The following CNTNAP2 variants were observed in gnomAD, a reference collection of about 807,000 sequenced individuals.
The protein encoded by CNTNAP2 is contactin-associated protein-like 2.
A neutral mutation model predicts 155.2 loss-of-function variants in CNTNAP2; 98 were observed. The ratio of observed to expected loss-of-function variants is 0.63; its 90% CI spans 0.54 to 0.75. The LOEUF is 0.75. CNTNAP2 is among the 30% of genes least tolerant of loss of function. The pLI, the probability that CNTNAP2 is intolerant of heterozygous loss-of-function variation, is 0.00. For missense variants in CNTNAP2, 1,727 were observed against 1,688.1 expected (o/e 1.02, Z -0.40); for synonymous variants, 651 against 631.2 (o/e 1.03, Z -0.47).
chr7:147,880,320 T>C (rs947460999), intron 13 of CNTNAP2, among the ~76,000 whole-genome samples: 3 of 152,178 alleles, frequency 2.0e-5, no homozygotes, highest in Non-Finnish European at 2.9e-5. Flanking sequence ...GGATTTGGGC[T>C]ATTAACAGAG....
chr7:146,885,621 A>G (rs1795640335), intron 3 of CNTNAP2, among the ~76,000 whole-genome samples: 1 of 152,192 alleles, frequency 6.6e-6, no homozygotes. Context: ...AATCTTACAG[A>G]GAAAGTTTCA....
intron 18 of CNTNAP2, among the ~76,000 whole-genome samples, chr7:148,184,472 G>A (rs1353606511): frequency 1.3e-5 from 2 of 152,162 alleles, no homozygotes; most frequent in Non-Finnish European, 2.9e-5. Flanking sequence ...TGTGCCAGTA[G>A]CCAATCTCAC....
chr7:146,861,458 C>A (rs563088831), intron 3 of CNTNAP2, among the ~76,000 whole-genome samples: 1 of 152,020 alleles, frequency 6.6e-6, no homozygotes, highest in South Asian at 2.1e-4. Flanking sequence ...TTAATAAAAT[C>A]GATAGAAAAC....
At chr7:146,709,224 CTG>C (rs10600540) in intron 1 of CNTNAP2, among the ~76,000 whole-genome samples, 10,037 of 152,100 alleles carry the variant, frequency 0.066, 829 homozygotes, top group African/African-American at 0.2. Flanking sequence ...CAAAATAAAA[CTG>C]TGATTGAGAG....
At chr7:146,118,303 C>T (rs1797516106) in intron 1 of CNTNAP2, among the ~76,000 whole-genome samples, 2 of 152,010 alleles carry the variant, frequency 1.3e-5, no homozygotes, top group South Asian at 2.1e-4. Flanking sequence ...AACTTGAAAA[C>T]ATTGTATAGC....
chr7:148,291,935 C>T lies in CNTNAP2; in HGVS notation c.3475+24809C>T, dbSNP rs141900102. The stretch of plus-strand genomic sequence containing the variant: ...CCAGCCTTTGACATCTCAGAAGAAG[C>T]GATGATTAATTTCATTTCATTCTGT... On this transcript the variant is annotated intron_variant, in intron 21 of 23. Coordinates refer to ENST00000361727, the MANE Select transcript of CNTNAP2 (RefSeq NM_014141.6). Among the ~76,000 whole-genome samples, 1,312 of 152,134 alleles carry T rather than the reference C, an allele frequency of 8.6e-3. 10 individuals carry two copies. The highest frequency in any genetic ancestry group is 0.027 in the Middle Eastern group (8 of 294).
intron 10 of CNTNAP2, among the ~76,000 whole-genome samples, chr7:147,428,498 C>T (rs916105119): frequency 2.0e-5 from 3 of 152,114 alleles, no homozygotes; most frequent in Non-Finnish European, 4.4e-5. Flanking sequence ...AATTAGATTG[C>T]TACTGTCTTC....
intron 11 of CNTNAP2, among the ~76,000 whole-genome samples, chr7:147,512,667 A>C (rs1014648916): frequency 1.3e-5 from 2 of 152,208 alleles, no homozygotes; most frequent in African/African-American, 4.8e-5. Context: ...ATCAACATCT[A>C]TCAAGATCTG....
chr7:146,792,823 C>G (rs771421740), intron 2 of CNTNAP2, among the ~76,000 whole-genome samples: 2 of 151,964 alleles, frequency 1.3e-5, no homozygotes, highest in Non-Finnish European at 2.9e-5. Flanking sequence ...TTGTCTTACT[C>G]GATGAAAATA....
intron 8 of CNTNAP2, among the ~76,000 whole-genome samples, chr7:147,232,816 CA>C (rs1462026386): frequency 2.6e-5 from 4 of 151,962 alleles, no homozygotes; most frequent in Admixed American, 2.6e-4. Flanking sequence ...TTCTGAAGAA[CA>C]ATTATTGAAA....
intron 1 of CNTNAP2, among the ~76,000 whole-genome samples, chr7:146,135,744 T>C (rs1563135802): frequency 6.6e-6 from 1 of 152,086 alleles, no homozygotes; most frequent in Non-Finnish European, 1.5e-5. Context: ...TCTAGACATA[T>C]GCTGAATCAC....
At chr7:147,669,486 A>G (rs1795752224) in intron 13 of CNTNAP2, among the ~76,000 whole-genome samples, 1 of 152,204 alleles carries the variant, frequency 6.6e-6, no homozygotes, top group African/African-American at 2.4e-5. Context: ...TTCGAAGACT[A>G]CTGTTAGACA....
chr7:147,569,324 C>A (rs1393070771), intron 12 of CNTNAP2, among the ~76,000 whole-genome samples: 1 of 152,062 alleles, frequency 6.6e-6, no homozygotes, highest in Non-Finnish European at 1.5e-5. Flanking sequence ...TGGACTTGGG[C>A]TCCAGTGGAG....
intron 1 of CNTNAP2, among the ~76,000 whole-genome samples, chr7:146,217,121 C>T (rs1584806986): frequency 6.6e-6 from 1 of 152,160 alleles, no homozygotes; most frequent in East Asian, 1.9e-4. Context: ...ACACTTGACC[C>T]ATTGTTCCTC....
chr7:147,451,303 A>G (rs931934629), intron 10 of CNTNAP2, among the ~76,000 whole-genome samples: 2 of 152,210 alleles, frequency 1.3e-5, no homozygotes, highest in Non-Finnish European at 2.9e-5. Flanking sequence ...TAACAAGTCT[A>G]TGAATTTCTT....
intron 1 of CNTNAP2, among the ~76,000 whole-genome samples, chr7:146,673,478 G>T (rs1409781682): frequency 6.6e-6 from 1 of 152,148 alleles, no homozygotes; most frequent in Non-Finnish European, 1.5e-5. Flanking sequence ...TGGCCTAAAG[G>T]TTTTTCCATA....
intron 3 of CNTNAP2, among the ~76,000 whole-genome samples, chr7:146,922,541 C>T (rs1796525063): frequency 6.6e-6 from 1 of 151,882 alleles, no homozygotes; most frequent in Non-Finnish European, 1.5e-5. Context: ...GTAAAGAAAA[C>T]AATGATAAAT....
At chr7:147,601,335 A>G (rs1033710376) in intron 12 of CNTNAP2, among the ~76,000 whole-genome samples, 1 of 150,258 alleles carries the variant, frequency 6.7e-6, no homozygotes, top group Admixed American at 6.7e-5. Flanking sequence ...GTTTTATAGG[A>G]TTTGGGTAGG....
chr7:148,246,862 C>T (rs1042310286), intron 20 of CNTNAP2, among the ~76,000 whole-genome samples: 1 of 152,210 alleles, frequency 6.6e-6, no homozygotes, highest in African/African-American at 2.4e-5. Flanking sequence ...AAGTTCTAGA[C>T]TCACAGGGAG....
Sources: allele counts gnomAD v4.1 joint callset (sites outside exome capture counted in the v4.1 genomes callset), GRCh38; gene constraint gnomAD v4.1.1; transcripts MANE v1.5; gene names NCBI Gene and HGNC (gene_info 2026-07-23, HGNC 2026-07-21).